The following PCDHAC1 variants were observed in gnomAD, a reference collection of about 807,000 sequenced individuals.
PCDHAC1 encodes protocadherin alpha subfamily C, 1.
PCDHAC1 carries 42 observed loss-of-function variants against 60.0 expected under a neutral mutation model. That is an observed-to-expected ratio of 0.70 (90% CI 0.55 to 0.90). The LOEUF (loss-of-function observed/expected upper bound fraction) is 0.90. PCDHAC1 is among the 40% of genes least tolerant of loss of function. PCDHAC1 has a pLI of 0.00. For missense variants in PCDHAC1, 1,160 were observed against 1,222.3 expected, an observed-to-expected ratio of 0.95 and a Z score of 0.76; for synonymous variants, 468 against 499.3, an observed-to-expected ratio of 0.94 and a Z score of 0.84.
At chr5:140,971,968 A>G (rs1049886222) in intron 1 of PCDHAC1, among the ~76,000 whole-genome samples, 3 of 152,124 alleles carry the variant, frequency 2.0e-5, no homozygotes, top group Non-Finnish European at 4.4e-5. Flanking sequence ...CTTTTTTTCA[A>G]TACTATGAGT....
intron 1 of PCDHAC1, among the ~76,000 whole-genome samples, chr5:140,946,631 T>TATATATTATATATATATATATATATACAC (rs57893927): frequency 7.6e-6 from 1 of 131,846 alleles, no homozygotes; most frequent in African/African-American, 3.5e-5. Flanking sequence ...TATATATATA[T>TATATATTATATATATATATATATATACAC]ACAATGGAAT....
At chr5:140,985,180 G>A (rs782679962) in intron 3 of PCDHAC1, among the ~76,000 whole-genome samples, 1 of 152,028 alleles carries the variant, frequency 6.6e-6, no homozygotes, top group Non-Finnish European at 1.5e-5. Flanking sequence ...CTCGTAATCC[G>A]CCTGCCTCGG....
At chr5:140,993,673 TG>T (rs2097577380) in intron 3 of PCDHAC1, among the ~76,000 whole-genome samples, 1 of 152,322 alleles carries the variant, frequency 6.6e-6, no homozygotes, top group East Asian at 1.9e-4. Context: ...GGACCACATA[TG>T]TGACAGCTGT....
intron 1 of PCDHAC1, among the ~76,000 whole-genome samples, chr5:140,961,479 C>A (rs2095615905): frequency 6.6e-6 from 1 of 152,108 alleles, no homozygotes; most frequent in Admixed American, 6.6e-5. Context: ...TTTGTCTTGT[C>A]CACGTGAGTA....
chr5:140,950,862 A>G (rs2094526538), intron 1 of PCDHAC1, among the ~76,000 whole-genome samples: 1 of 151,952 alleles, frequency 6.6e-6, no homozygotes, highest in African/African-American at 2.4e-5. Context: ...ATATTCTTGT[A>G]TATTCTATAT....
intron 1 of PCDHAC1, among the ~76,000 whole-genome samples, chr5:140,977,477 A>G (rs919582107): frequency 4.6e-5 from 7 of 152,230 alleles, no homozygotes. Flanking sequence ...AGATAATTTT[A>G]TGCTATGTTA....
intron 1 of PCDHAC1, among the ~76,000 whole-genome samples, chr5:140,971,278 ATATTAATATG>A (rs1408088373): frequency 6.6e-6 from 1 of 152,208 alleles, no homozygotes; most frequent in African/African-American, 2.4e-5. Context: ...ACTGACCTGT[ATATTAATATG>A]TACTTTGGTA....
intron 3 of PCDHAC1, among the ~76,000 whole-genome samples, chr5:140,996,757 G>A (rs2097743678): frequency 6.6e-6 from 1 of 152,014 alleles, no homozygotes; most frequent in South Asian, 2.1e-4. Context: ...TATCTGTGCA[G>A]GACTAAAATA....
chr5:140,955,175 A>G (rs1212192227), intron 1 of PCDHAC1, among the ~76,000 whole-genome samples: 1 of 152,058 alleles, frequency 6.6e-6, no homozygotes, highest in Non-Finnish European at 1.5e-5. Flanking sequence ...TGGTTACTGT[A>G]GTTTTGTGGT....
rs143182337 is a variant in PCDHAC1 at position 140,938,958 on chromosome 5, G to A, written c.2433+9633G>A. On this transcript the variant is annotated intron_variant, in intron 1 of 3. Coordinates refer to ENST00000253807, the MANE Select transcript of PCDHAC1 (RefSeq NM_018898.5). ...TTTCCATTCTTATAATGCTCTAGTC[G>A]GAGTTTGGCATCAAGGCTATCCTGG... 3.2e-3 allele frequency among the ~76,000 whole-genome samples: 486 copies of A among 152,204 alleles called. 2 individuals carry two copies. Among genetic ancestry groups the A allele is most frequent in the Middle Eastern group, 0.014 (4 of 294 alleles).
chr5:141,002,023 G>GC (rs1479327416), intron 3 of PCDHAC1, among the ~76,000 whole-genome samples: 4 of 152,186 alleles, frequency 2.6e-5, no homozygotes, highest in Admixed American at 6.5e-5. Flanking sequence ...ACAGCCTTCG[G>GC]TGCCCTGACT....
intron 1 of PCDHAC1, chr5:140,967,872 A>G: frequency 1.2e-6 from 2 of 1,614,034 alleles, no homozygotes; most frequent in Non-Finnish European, 1.7e-6. Context: ...GTGCTCACGG[A>G]CCTGTATAGC....
chr5:140,934,995 T>G (rs1443676222), intron 1 of PCDHAC1, among the ~76,000 whole-genome samples: 1 of 152,172 alleles, frequency 6.6e-6, no homozygotes, highest in East Asian at 1.9e-4. Context: ...ACACCCTGAA[T>G]CCTTTTCATG....
intron 1 of PCDHAC1, among the ~76,000 whole-genome samples, chr5:140,961,888 T>G (rs1361187779): frequency 4.0e-5 from 5 of 124,944 alleles, no homozygotes; most frequent in Non-Finnish European, 7.9e-5. Context: ...CTTACATCAG[T>G]TTTTTTTTTT....
At chr5:140,952,345 A>G (rs1199209045) in intron 1 of PCDHAC1, among the ~76,000 whole-genome samples, 2 of 151,900 alleles carry the variant, frequency 1.3e-5, no homozygotes, top group Non-Finnish European at 2.9e-5. Context: ...TCTCAAAAAA[A>G]AAAAAAAAAG....
At chr5:140,969,297 T>C in intron 1 of PCDHAC1, 2 of 1,614,200 alleles carry the variant, frequency 1.2e-6, no homozygotes, top group Non-Finnish European at 1.7e-6. Context: ...GGGAACCTGA[T>C]TATTCTCAAA....
intron 3 of PCDHAC1, among the ~76,000 whole-genome samples, chr5:140,996,121 G>A (rs2097712758): frequency 6.6e-6 from 1 of 152,212 alleles, no homozygotes; most frequent in Admixed American, 6.5e-5. Flanking sequence ...GTGCAGGGTG[G>A]TGTAGAGGGT....
intron 1 of PCDHAC1, among the ~76,000 whole-genome samples, chr5:140,942,794 A>C (rs782783696): frequency 2.6e-4 from 39 of 152,326 alleles, no homozygotes; most frequent in Middle Eastern, 3.4e-3. Flanking sequence ...TTACAAAGGC[A>C]TGTTTTCCAC....
intron 3 of PCDHAC1, among the ~76,000 whole-genome samples, chr5:140,990,780 GACGATGA>G (rs1554251732): frequency 6.6e-6 from 1 of 152,192 alleles, no homozygotes; most frequent in Non-Finnish European, 1.5e-5. Flanking sequence ...CTCTGTGTTG[GACGATGA>G]ACCATGGAAT....
Sources: allele counts gnomAD v4.1 joint callset (sites outside exome capture counted in the v4.1 genomes callset), GRCh38; gene constraint gnomAD v4.1.1; transcripts MANE v1.5; gene names NCBI Gene and HGNC (gene_info 2026-07-23, HGNC 2026-07-21).